The following KDM4C variants were observed in gnomAD, a reference collection of about 807,000 sequenced individuals.
KDM4C encodes the protein lysine-specific demethylase 4C.
Under a neutral mutation model 129.3 loss-of-function variants are expected in KDM4C, and 81 were observed. The ratio of observed to expected loss-of-function variants is 0.63; its 90% confidence interval spans 0.52 to 0.75. The LOEUF is 0.75. KDM4C is among the 30% of genes least tolerant of loss of function. The pLI is 0.00. For synonymous variants in KDM4C, 573 were observed against 456.1 expected (o/e 1.26, Z -3.26); for missense variants, 1,457 against 1,304.0 (o/e 1.12, Z -1.81).
intron 20 of KDM4C, among the ~76,000 whole-genome samples, chr9:7,166,363 A>G (rs539429884): frequency 4.6e-5 from 7 of 152,342 alleles, no homozygotes; most frequent in South Asian, 2.1e-4. Context: ...AGAAGTTTGA[A>G]AAACTTAGGA....
intron 19 of KDM4C, among the ~76,000 whole-genome samples, chr9:7,157,612 C>T (rs1161737944): frequency 2.6e-5 from 4 of 152,100 alleles, no homozygotes; most frequent in African/African-American, 9.7e-5. Flanking sequence ...TTGAGATAAT[C>T]GTGTGGTTTT....
At chr9:6,865,286 G>A (rs1325104723) in intron 5 of KDM4C, among the ~76,000 whole-genome samples, 5 of 152,128 alleles carry the variant, frequency 3.3e-5, no homozygotes, top group African/African-American at 1.2e-4. Flanking sequence ...GGGATTACAA[G>A]CGTGAGCCAA....
intron 12 of KDM4C, among the ~76,000 whole-genome samples, chr9:6,994,483 T>A (rs1477320772): frequency 6.6e-6 from 1 of 152,174 alleles, no homozygotes; most frequent in East Asian, 1.9e-4. Context: ...CTGATCACCT[T>A]ACACTGTGGT....
chr9:7,033,077 A>C (rs1381444454), intron 15 of KDM4C, among the ~76,000 whole-genome samples: 1 of 151,594 alleles, frequency 6.6e-6, no homozygotes, highest in Non-Finnish European at 1.5e-5. Flanking sequence ...TTTTGAGATC[A>C]GATTGGCTTA....
At chr9:7,147,033 C>T (rs1321737160) in intron 19 of KDM4C, among the ~76,000 whole-genome samples, 1 of 152,236 alleles carries the variant, frequency 6.6e-6, no homozygotes, top group Non-Finnish European at 1.5e-5. Flanking sequence ...TCAATATTCA[C>T]TAGCTGCCAG....
intron 1 of KDM4C, among the ~76,000 whole-genome samples, chr9:6,788,284 G>A (rs1211498389): frequency 2.0e-5 from 3 of 152,154 alleles, no homozygotes; most frequent in Admixed American, 2.0e-4. Context: ...CAGCAGTTAG[G>A]CATACAATAA....
At chr9:7,025,109 A>G (rs1416969517) in intron 15 of KDM4C, among the ~76,000 whole-genome samples, 1 of 152,216 alleles carries the variant, frequency 6.6e-6, no homozygotes, top group East Asian at 1.9e-4. Flanking sequence ...ATTATTATAT[A>G]GTGACCTTAT....
intron 17 of KDM4C, among the ~76,000 whole-genome samples, chr9:7,054,104 T>A (rs537442381): frequency 2.8e-4 from 42 of 152,356 alleles, no homozygotes; most frequent in African/African-American, 1.0e-3. Flanking sequence ...ACCCCTTCCC[T>A]GTGCCCTGCA....
chr9:7,150,535 T>G (rs542317224), intron 19 of KDM4C, among the ~76,000 whole-genome samples: 1 of 152,286 alleles, frequency 6.6e-6, no homozygotes, highest in East Asian at 1.9e-4. Context: ...GGGCTGGGTC[T>G]TTTTTGTCTC....
At chr9:6,945,876 T>C (rs140148070) in intron 8 of KDM4C, among the ~76,000 whole-genome samples, 87 of 152,292 alleles carry the variant, frequency 5.7e-4, no homozygotes, top group African/African-American at 1.9e-3. Flanking sequence ...CTGTACTTAA[T>C]TCCATAGAAA....
At position 7,016,284 on chromosome 9, in the gene KDM4C, C is replaced by T. The variant is rs190449502; in HGVS notation, c.2259+355C>T. Among the ~76,000 whole-genome samples, 1,167 of 151,898 alleles carry T rather than the reference C, an allele frequency of 7.7e-3. 11 individuals carry two copies. Among genetic ancestry groups the T allele is most frequent in the African/African-American group, 0.027 (1,115 of 41,434 alleles). On this transcript the variant is annotated intron_variant, in intron 15 of 21. Coordinates refer to ENST00000381309, the MANE Select transcript of KDM4C (RefSeq NM_015061.6). ...CTGGGACTACAGGCACCCGCCACCA[C>T]GCCTGGCTAATTTTTTGTATTTTTA...
intron 4 of KDM4C, among the ~76,000 whole-genome samples, chr9:6,840,312 A>G (rs188522866): frequency 2.6e-5 from 4 of 152,076 alleles, no homozygotes; most frequent in Admixed American, 1.3e-4. Flanking sequence ...GGCTCAAGCT[A>G]TCTGCCTGCC....
intron 5 of KDM4C, among the ~76,000 whole-genome samples, chr9:6,873,256 G>A (rs1484685326): frequency 1.3e-5 from 2 of 152,122 alleles, no homozygotes; most frequent in African/African-American, 4.8e-5. Flanking sequence ...CTCGGCCTGG[G>A]ATTACAGGTG....
chr9:7,159,675 C>T (rs4501638), intron 19 of KDM4C, among the ~76,000 whole-genome samples: 2 of 152,120 alleles, frequency 1.3e-5, no homozygotes, highest in South Asian at 4.1e-4. Flanking sequence ...TTTCTTCTGG[C>T]TTGTAGGGTT....
chr9:6,786,428 T>A (rs1825518313), intron 1 of KDM4C, among the ~76,000 whole-genome samples: 2 of 152,274 alleles, frequency 1.3e-5, no homozygotes, highest in South Asian at 4.1e-4. Context: ...GTAGGTGGTC[T>A]CAGAAACATT....
chr9:6,973,460 C>T (rs7867898), intron 8 of KDM4C, among the ~76,000 whole-genome samples: 3 of 152,104 alleles, frequency 2.0e-5, no homozygotes, highest in East Asian at 3.9e-4. Flanking sequence ...AGAGTTTTCA[C>T]GTGGCAGGAG....
chr9:6,934,563 C>G (rs910156139), intron 8 of KDM4C, among the ~76,000 whole-genome samples: 2 of 151,188 alleles, frequency 1.3e-5, no homozygotes, highest in African/African-American at 4.9e-5. Context: ...GAGTCTCGCT[C>G]TGTCACCAGG....
intron 2 of KDM4C, among the ~76,000 whole-genome samples, chr9:6,797,640 T>C (rs1828004788): frequency 6.6e-6 from 1 of 152,224 alleles, no homozygotes. Context: ...TAGATTGTCC[T>C]GGACTGTAGC....
intron 5 of KDM4C, among the ~76,000 whole-genome samples, chr9:6,857,550 C>G (rs1035709292): frequency 2.0e-5 from 3 of 152,086 alleles, no homozygotes; most frequent in Non-Finnish European, 2.9e-5. Context: ...AAGGAACCAT[C>G]CAGGATATCT....
Sources: allele counts gnomAD v4.1 joint callset (sites outside exome capture counted in the v4.1 genomes callset), GRCh38; gene constraint gnomAD v4.1.1; transcripts MANE v1.5; gene names NCBI Gene and HGNC (gene_info 2026-07-23, HGNC 2026-07-21).